PEPD: variants seen among roughly 807,000 people sequenced by gnomAD.
PEPD encodes the protein peptidase D, also known as xaa-Pro dipeptidase.
PEPD carries 53 observed loss-of-function variants against 60.7 expected under a neutral mutation model. That is an observed-to-expected ratio of 0.87 (90% CI 0.70 to 1.10). The LOEUF (loss-of-function observed/expected upper bound fraction) is 1.10, where lower values mean the gene tolerates loss of function less well. PEPD is among the 50% of genes least tolerant of loss of function. PEPD has a pLI of 0.00. For synonymous variants in PEPD, 267 were observed against 284.1 expected, an observed-to-expected ratio of 0.94 and a Z score of 0.60; for missense variants, 711 against 711.9, an observed-to-expected ratio of 1.00 and a Z score of 0.01.
intron 6 of PEPD, chr19:33,487,048 A>G (rs1359834627): frequency 1.3e-5 from 2 of 152,332 alleles, no homozygotes; most frequent in Non-Finnish European, 2.9e-5. Context: ...GCAGCTGCGT[A>G]TTGGAGAGGA....
chr19:33,496,534 C>A (rs916614073), intron 4 of PEPD, among the ~76,000 whole-genome samples: 4 of 152,194 alleles, frequency 2.6e-5, no homozygotes, highest in African/African-American at 9.6e-5. Flanking sequence ...CTCATCAGCA[C>A]ACCCTGACTC....
chr19:33,403,589 G>C (rs909596077), intron 11 of PEPD, among the ~76,000 whole-genome samples: 5 of 152,332 alleles, frequency 3.3e-5, no homozygotes, highest in East Asian at 1.9e-4. Flanking sequence ...AGGGAGCCAG[G>C]GGGTGGAGGA....
chr19:33,422,843 TATCCATCC>T (rs903664288), intron 9 of PEPD, among the ~76,000 whole-genome samples: 2 of 139,636 alleles, frequency 1.4e-5, no homozygotes, highest in African/African-American at 5.1e-5. Context: ...TCTATCCATC[TATCCATCC>T]ATCCATCTCT....
chr19:33,412,602 G>C (rs1168308210), intron 10 of PEPD, among the ~76,000 whole-genome samples: 1 of 152,252 alleles, frequency 6.6e-6, no homozygotes, highest in African/African-American at 2.4e-5. Context: ...TCTGTCCAAA[G>C]GGGGGAAGGA....
chr19:33,407,902 G>C (rs1344387538), intron 11 of PEPD, among the ~76,000 whole-genome samples: 1 of 152,226 alleles, frequency 6.6e-6, no homozygotes, highest in Non-Finnish European at 1.5e-5. Context: ...GGGTGTGGTG[G>C]CATCACACCC....
chr19:33,401,472 C>G (rs1968489527), intron 12 of PEPD, among the ~76,000 whole-genome samples: 1 of 152,178 alleles, frequency 6.6e-6, no homozygotes, highest in African/African-American at 2.4e-5. Flanking sequence ...CAGGTGGAGG[C>G]CAGCAGACCG....
chr19:33,414,710 A>C (rs1968852173), intron 9 of PEPD, among the ~76,000 whole-genome samples: 1 of 151,894 alleles, frequency 6.6e-6, no homozygotes, highest in Non-Finnish European at 1.5e-5. Flanking sequence ...TTCATCTTCT[A>C]GGCACTGTCA....
chr19:33,491,106 CA>C (rs1363048537), intron 5 of PEPD, among the ~76,000 whole-genome samples: 1 of 150,600 alleles, frequency 6.6e-6, no homozygotes, highest in African/African-American at 2.4e-5. Context: ...GACAGTAAAG[CA>C]AAAAAAAGGG....
chr19:33,415,058 T>C (rs1452671627), intron 9 of PEPD, among the ~76,000 whole-genome samples: 1 of 152,174 alleles, frequency 6.6e-6, no homozygotes, highest in African/African-American at 2.4e-5. Flanking sequence ...TGGCAAGCCC[T>C]GTGCGCCAGG....
At chr19:33,459,545 G>T (rs941950757) in intron 9 of PEPD, among the ~76,000 whole-genome samples, 4 of 152,100 alleles carry the variant, frequency 2.6e-5, no homozygotes, top group Non-Finnish European at 4.4e-5. Context: ...TACCCAACAC[G>T]GACGTCTTAT....
At chr19:33,501,317 C>T (rs1970709237) in intron 3 of PEPD, among the ~76,000 whole-genome samples, 1 of 152,168 alleles carries the variant, frequency 6.6e-6, no homozygotes, top group African/African-American at 2.4e-5. Context: ...AGACAGTCCA[C>T]CAGGGCAGCC....
chr19:33,426,502 T>C (rs1463377292), intron 9 of PEPD, among the ~76,000 whole-genome samples: 2 of 152,228 alleles, frequency 1.3e-5, no homozygotes, highest in African/African-American at 2.4e-5. Flanking sequence ...ACTCACTCAG[T>C]TCATCCTGAG....
chr19:33,397,661 C>A (rs1968396679), intron 12 of PEPD, among the ~76,000 whole-genome samples: 1 of 151,962 alleles, frequency 6.6e-6, no homozygotes, highest in African/African-American at 2.4e-5. Flanking sequence ...TCCTCCAGAC[C>A]CCAGGCTGGG....
chr19:33,493,667 T>A (rs540577689), intron 4 of PEPD, among the ~76,000 whole-genome samples: 11 of 151,786 alleles, frequency 7.2e-5, no homozygotes, highest in Admixed American at 2.6e-4. Context: ...CCTCTGCCCA[T>A]CTGCAAAGTC....
chr19:33,413,632 T>C lies in PEPD; in HGVS notation c.683A>G (p.His228Arg), dbSNP rs781362911. ...CATGCCGCCCCGGGAGTAGCAGTAG[T>C]GCTCGAAGAGGCTGCAGGGGGAGAG... ...KEYELESLFE[H>R]YCYSRGGMRH... The change falls in exon 10 of 15, where the codon CAC (histidine) becomes CGC (arginine). Residue 228 changes from histidine (H) to arginine (R), a missense_variant. His to Arg is a conservative substitution (Grantham distance 29). Transcript: ENST00000244137. 1 of 1,586,814 alleles carries C rather than the reference T, an allele frequency of 6.3e-7. No homozygotes were observed. Among genetic ancestry groups the C allele is most frequent in the Non-Finnish European group, 8.6e-7 (1 of 1,165,440 alleles).
intron 1 of PEPD, among the ~76,000 whole-genome samples, chr19:33,514,373 G>A (rs992311722): frequency 2.0e-5 from 3 of 151,956 alleles, no homozygotes; most frequent in Non-Finnish European, 4.4e-5. Flanking sequence ...GGGACCCTCA[G>A]AGGCCCTGAC....
intron 9 of PEPD, among the ~76,000 whole-genome samples, chr19:33,445,582 A>G (rs1969577035): frequency 6.6e-6 from 1 of 152,220 alleles, no homozygotes; most frequent in Non-Finnish European, 1.5e-5. Context: ...GAGAGGCCTC[A>G]GAGAGTAGCA....
intron 9 of PEPD, among the ~76,000 whole-genome samples, chr19:33,445,392 T>C (rs1440528069): frequency 2.0e-5 from 3 of 152,204 alleles, no homozygotes; most frequent in Admixed American, 6.5e-5. Flanking sequence ...AATGTGACTA[T>C]TTGGAGACGG....
At chr19:33,456,919 CTCCTAGTGACT>C (rs1969812184) in intron 9 of PEPD, among the ~76,000 whole-genome samples, 2 of 151,648 alleles carry the variant, frequency 1.3e-5, no homozygotes, top group African/African-American at 4.9e-5. Context: ...AGACGGGGAC[CTCCTAGTGACT>C]TCCCTCTCCA....
Sources: allele counts gnomAD v4.1 joint callset (sites outside exome capture counted in the v4.1 genomes callset), GRCh38; gene constraint gnomAD v4.1.1; transcripts MANE v1.5; gene names NCBI Gene and HGNC (gene_info 2026-07-23, HGNC 2026-07-21).